RALGAPA1: variants seen among roughly 807,000 people sequenced by gnomAD.
RALGAPA1 encodes the protein ral GTPase-activating protein subunit alpha-1.
A neutral mutation model predicts 269.6 loss-of-function variants in RALGAPA1; 52 were observed. The ratio of observed to expected loss-of-function variants is 0.19; its 90% CI spans 0.15 to 0.24. The LOEUF is 0.24. RALGAPA1 is among the 10% of genes least tolerant of loss of function. The pLI is 1.00. For synonymous variants in RALGAPA1, 817 were observed against 1,008.3 expected (o/e 0.81, Z 3.60); for missense variants, 1,917 against 3,013.9 (o/e 0.64, Z 8.52).
chr14:35,663,876 C>T (rs1394425278), intron 27 of RALGAPA1, among the ~76,000 whole-genome samples: 1 of 152,092 alleles, frequency 6.6e-6, no homozygotes, highest in East Asian at 1.9e-4. Flanking sequence ...CAGGTGTGAG[C>T]CACTGCGCCC....
chr14:35,672,025 A>C (rs563429253), intron 25 of RALGAPA1, among the ~76,000 whole-genome samples: 3 of 152,264 alleles, frequency 2.0e-5, no homozygotes, highest in African/African-American at 7.2e-5. Context: ...TTCATTATTC[A>C]TTTACTTTGC....
At chr14:35,749,540 C>T (rs1435636447) in intron 9 of RALGAPA1, among the ~76,000 whole-genome samples, 1 of 152,062 alleles carries the variant, frequency 6.6e-6, no homozygotes, top group Non-Finnish European at 1.5e-5. Context: ...GTTTTGTCAT[C>T]CATAAAATAA....
intron 36 of RALGAPA1, among the ~76,000 whole-genome samples, chr14:35,599,468 G>A (rs981011809): frequency 2.0e-5 from 3 of 152,252 alleles, no homozygotes; most frequent in African/African-American, 7.2e-5. Flanking sequence ...GGGTCTGCTG[G>A]GCACAGTGGC....
chr14:35,640,076 C>A (rs1383018652), intron 31 of RALGAPA1, among the ~76,000 whole-genome samples: 2 of 151,804 alleles, frequency 1.3e-5, no homozygotes, highest in African/African-American at 4.8e-5. Context: ...CTATAGGATA[C>A]AGTGAAAGCA....
chr14:35,624,326 A>C (rs895647601), intron 35 of RALGAPA1, among the ~76,000 whole-genome samples: 9 of 152,008 alleles, frequency 5.9e-5, no homozygotes, highest in African/African-American at 1.4e-4. Context: ...TAAAAACAAC[A>C]ACCAAAACCA....
At chr14:35,634,801 A>G in intron 32 of RALGAPA1, 44 bp from the exon 33 acceptor site, 1 of 1,471,626 alleles carries the variant, frequency 6.8e-7, no homozygotes. Context: ...TAAAAAATAA[A>G]TAAATAAATA....
At chr14:35,714,210 G>A (rs1038079440) in intron 16 of RALGAPA1, among the ~76,000 whole-genome samples, 1 of 152,152 alleles carries the variant, frequency 6.6e-6, no homozygotes. Context: ...GATTTCGAGA[G>A]TGTTTTTCAA....
chr14:35,684,131 T>C, intron 20 of RALGAPA1, 146 bp from the exon 21 acceptor site: 1 of 617,436 alleles, frequency 1.6e-6, no homozygotes, highest in East Asian at 2.8e-5. Flanking sequence ...TAAATAATCT[T>C]AATACTCTGA....
At chr14:35,732,063 G>C (rs1246775474) in intron 12 of RALGAPA1, among the ~76,000 whole-genome samples, 3 of 152,084 alleles carry the variant, frequency 2.0e-5, no homozygotes, top group Non-Finnish European at 2.9e-5. Flanking sequence ...AGGCTAGAAG[G>C]GATTGGAGCC....
intron 10 of RALGAPA1, among the ~76,000 whole-genome samples, chr14:35,746,498 C>A (rs1436857854): frequency 2.0e-5 from 3 of 152,038 alleles, no homozygotes; most frequent in Non-Finnish European, 4.4e-5. Context: ...ACAGGTATAT[C>A]AAAACATCAC....
At chr14:35,742,606 C>T in intron 10 of RALGAPA1, 41 bp from the exon 11 acceptor site, 1 of 1,430,052 alleles carries the variant, frequency 7.0e-7, no homozygotes, top group South Asian at 1.2e-5. Context: ...ATACTTTTTC[C>T]TTTGCCACAA....
chr14:35,778,245 C>A (rs1240629988), intron 1 of RALGAPA1, among the ~76,000 whole-genome samples: 1 of 152,116 alleles, frequency 6.6e-6, no homozygotes, highest in African/African-American at 2.4e-5. Context: ...GAGATGGGGT[C>A]TTGTTATGTT....
Position 35,539,359 on chromosome 14 carries a change from T to C in RALGAPA1, c.*355A>G. The C allele has an allele frequency of 1.3e-6, 1 of 763,844 alleles. No individual in the cohort carries two copies. Among genetic ancestry groups the C allele is most frequent in the Non-Finnish European group, 1.8e-6 (1 of 558,684 alleles). 47.3% of individuals were successfully genotyped at this position (763,844 alleles called of 1,614,324 possible). On this transcript the variant is annotated 3_prime_UTR_variant, in exon 42 of 42. Coordinates refer to ENST00000680220, the MANE Select transcript of RALGAPA1 (RefSeq NM_001346249.2). ...GATTGTGGGAAAAAAAATGAAACAA[T>C]AAATAACTTAAATCTTTAATATTAA...
At chr14:35,715,065 G>A (rs1173547461) in intron 16 of RALGAPA1, among the ~76,000 whole-genome samples, 1 of 152,004 alleles carries the variant, frequency 6.6e-6, no homozygotes, top group Non-Finnish European at 1.5e-5. Flanking sequence ...TTAAGTACGG[G>A]CTTCTACTTA....
rs1356305189 is a variant in RALGAPA1 at position 35,604,448 on chromosome 14, T to TA, written c.7053+1137dup. Reference sequence around the variant, plus strand: ...GCTATGTATCCCAAGGAAAAAATAATAAAAAAATAGGTTAGATTAGCCATA... The same window carrying TA: ...GCTATGTATCCCAAGGAAAAAATAATAAAAAAAATAGGTTAGATTAGCCATA... On this transcript the variant is annotated intron_variant, in intron 36 of 41. Coordinates refer to ENST00000680220, the MANE Select transcript of RALGAPA1 (RefSeq NM_001346249.2). Among the ~76,000 whole-genome samples, 6 of 150,946 alleles carry TA rather than the reference T, an allele frequency of 4.0e-5. 1 individual carries two copies. The highest frequency in any genetic ancestry group is 4.2e-4 in the South Asian group (2 of 4,796).
At chr14:35,655,368 C>T (rs972212113) in intron 29 of RALGAPA1, among the ~76,000 whole-genome samples, 6 of 151,810 alleles carry the variant, frequency 4.0e-5, no homozygotes, top group African/African-American at 1.2e-4. Flanking sequence ...ATTATTACTA[C>T]TGAAAAAATC....
intron 33 of RALGAPA1, among the ~76,000 whole-genome samples, chr14:35,630,866 T>A (rs1037179817): frequency 6.6e-6 from 1 of 152,132 alleles, no homozygotes; most frequent in African/African-American, 2.4e-5. Flanking sequence ...AGTGAGGCTC[T>A]GTCTTAAAAA....
At chr14:35,672,812 T>A in intron 25 of RALGAPA1, 55 bp downstream of exon 25, 1 of 1,398,104 alleles carries the variant, frequency 7.2e-7, no homozygotes, top group Non-Finnish European at 9.5e-7. Context: ...GAATCAAGAA[T>A]CAAAGATAAT....
At position 35,808,977 on chromosome 14, in the gene RALGAPA1, G is replaced by C; in HGVS notation, c.-142C>G. On this transcript the variant is annotated 5_prime_UTR_variant, in exon 1 of 42. Transcript: ENST00000680220. ...CAGCCTTGCGGGCCAGGGCAGAGCC[G>C]ACTCCTTCCCGATCCAGGCCAGGGC... is the stretch of plus-strand genomic sequence containing the variant. 3.5e-6 allele frequency: 5 copies of C among 1,428,732 alleles called. No homozygotes were observed. The highest frequency in any genetic ancestry group is 1.4e-5 in the African/African-American group (1 of 69,660). The allele number at this position is 1,428,732 out of a possible 1,614,324, so 88.5% of individuals were successfully genotyped here.
Sources: gnomAD v4.1 joint callset for allele counts (sites outside exome capture counted in the v4.1 genomes callset) on GRCh38, gnomAD v4.1.1 for gene constraint, MANE v1.5 for transcripts, NCBI Gene and HGNC (gene_info 2026-07-23, HGNC 2026-07-21) for gene names.